Variants in PKIB observed in about 807,000 individuals in gnomAD.
PKIB encodes cAMP-dependent protein kinase inhibitor beta, also known as PKI-beta.
Under a neutral mutation model 4.5 loss-of-function variants are expected in PKIB, and 2 were observed. That is an observed-to-expected ratio of 0.44 (90% CI 0.18 to 1.39). PKIB has a LOEUF of 1.39. PKIB is among the 40% of genes most tolerant of loss of function. PKIB has a pLI of 0.27. For synonymous variants in PKIB, 38 were observed against 36.0 expected (o/e 1.06, Z -0.20); for missense variants, 94 against 92.6 (o/e 1.02, Z -0.06).
chr6:122,496,634 G>C (rs958534648), intron 2 of PKIB, among the ~76,000 whole-genome samples: 1 of 152,114 alleles, frequency 6.6e-6, no homozygotes, highest in Non-Finnish European at 1.5e-5. Context: ...GAGGATTTTA[G>C]AGCTTGAAAA....
intron 1 of PKIB, among the ~76,000 whole-genome samples, chr6:122,621,028 T>C (rs887453011): frequency 6.6e-6 from 1 of 152,042 alleles, no homozygotes; most frequent in Non-Finnish European, 1.5e-5. Flanking sequence ...ATAAAGGGAG[T>C]ACAAGCAATC....
chr6:122,589,740 A>G (rs1773962428), intron 3 of PKIB, among the ~76,000 whole-genome samples: 1 of 152,164 alleles, frequency 6.6e-6, no homozygotes, highest in Admixed American at 6.6e-5. Context: ...AACATAAATA[A>G]GTTATTGATA....
rs537644352 is a variant in PKIB at position 122,643,602 on chromosome 6, C to T, written c.-76+10235C>T. The T allele has an allele frequency of 1.2e-4, 18 of 152,218 alleles. No homozygotes were observed. The East Asian group carries it at 3.5e-3, about 29-fold the overall frequency. The allele number at this position is 152,218 out of a possible 1,614,324, so 9.4% of individuals were successfully genotyped here. A position where few individuals can be genotyped will look rare whatever the true frequency, so the allele number is the denominator to read the frequency against. ...TTGAATTCTCTACAAATACGTTCAG[C>T]CTGTAGTATTCTAATTTACAGATGC... is the stretch of plus-strand genomic sequence containing the variant. On this transcript the variant is annotated intron_variant, in intron 2 of 4. Transcript: ENST00000368452.
chr6:122,720,894 G>C (rs1428820521), intron 4 of PKIB, among the ~76,000 whole-genome samples: 1 of 152,084 alleles, frequency 6.6e-6, no homozygotes, highest in African/African-American at 2.4e-5. Flanking sequence ...TAGAAACGGG[G>C]TTTCACCACG....
At chr6:122,669,487 T>G (rs1777364663) in intron 2 of PKIB, among the ~76,000 whole-genome samples, 1 of 152,182 alleles carries the variant, frequency 6.6e-6, no homozygotes, top group Non-Finnish European at 1.5e-5. Flanking sequence ...CTTTGCTGAT[T>G]ACTGCTGCTC....
At chr6:122,531,710 G>A (rs565006312) in intron 2 of PKIB, among the ~76,000 whole-genome samples, 1 of 152,240 alleles carries the variant, frequency 6.6e-6, no homozygotes, top group South Asian at 2.1e-4. Context: ...TGAGCTAGAT[G>A]CACCTTCTAT....
At chr6:122,517,557 G>A (rs545534311) in intron 2 of PKIB, among the ~76,000 whole-genome samples, 82 of 152,268 alleles carry the variant, frequency 5.4e-4, no homozygotes, top group African/African-American at 1.9e-3. Flanking sequence ...AGAGACATCA[G>A]TCTAAAGTGT....
chr6:122,533,707 A>C (rs1241508702), intron 2 of PKIB, among the ~76,000 whole-genome samples: 1 of 152,192 alleles, frequency 6.6e-6, no homozygotes, highest in Non-Finnish European at 1.5e-5. Context: ...AACAAGAACA[A>C]TTTACAACTC....
chr6:122,552,008 G>T (rs73547267), intron 2 of PKIB, among the ~76,000 whole-genome samples: 3 of 150,026 alleles, frequency 2.0e-5, no homozygotes, highest in East Asian at 3.9e-4. Context: ...GTGCATTCTC[G>T]ATGTCATGTT....
intron 2 of PKIB, among the ~76,000 whole-genome samples, chr6:122,572,605 G>C (rs1305544039): frequency 8.6e-6 from 1 of 116,500 alleles, no homozygotes. Context: ...AAATGTAGCA[G>C]AAGGAAAAAA....
intron 1 of PKIB, among the ~76,000 whole-genome samples, chr6:122,632,021 G>A (rs1775723969): frequency 6.6e-6 from 1 of 152,150 alleles, no homozygotes; most frequent in South Asian, 2.1e-4. Context: ...GGATTCGAAG[G>A]GGAATGACTC....
At position 122,666,863 on chromosome 6, in the gene PKIB, C is replaced by T. The variant is rs993436125; in HGVS notation, c.-75-8215C>T. ...TACTACTAGTATTAAGTCCATATGG[C>T]GGACAGACCTGGATTCATGACTTGA... On this transcript the variant is annotated intron_variant, in intron 2 of 4. Coordinates refer to ENST00000368452, the MANE Select transcript of PKIB (RefSeq NM_181795.3). 3.3e-5 allele frequency among the ~76,000 whole-genome samples: 5 copies of T among 152,126 alleles called. No homozygotes were observed. In the East Asian group the frequency reaches 5.8e-4, roughly 18 times the overall value.
intron 3 of PKIB, among the ~76,000 whole-genome samples, chr6:122,689,095 C>T (rs951015479): frequency 1.3e-5 from 2 of 152,006 alleles, no homozygotes; most frequent in Non-Finnish European, 2.9e-5. Flanking sequence ...CTTTCAATTT[C>T]TCTGGTATTG....
chr6:122,493,667 T>C (rs1775998723), intron 2 of PKIB, among the ~76,000 whole-genome samples: 1 of 152,242 alleles, frequency 6.6e-6, no homozygotes, highest in Admixed American at 6.5e-5. Context: ...TTTTCTTCCA[T>C]GACCCTGTGA....
chr6:122,652,292 TTGTGTG>T (rs66695664), intron 2 of PKIB, among the ~76,000 whole-genome samples: 25,361 of 141,704 alleles, frequency 0.18, 2,301 homozygotes, highest in East Asian at 0.25. Flanking sequence ...ATATGTTGGT[TTGTGTG>T]TGTGTGTGTG....
At chr6:122,499,561 C>A (rs1776164622) in intron 2 of PKIB, among the ~76,000 whole-genome samples, 1 of 152,110 alleles carries the variant, frequency 6.6e-6, no homozygotes, top group Admixed American at 6.6e-5. Context: ...AAACATATAT[C>A]AAAATATTGA....
chr6:122,709,809 G>A (rs1779201640), intron 3 of PKIB, among the ~76,000 whole-genome samples: 1 of 152,108 alleles, frequency 6.6e-6, no homozygotes. Flanking sequence ...GTGTCCATGT[G>A]TATAACCATC....
intron 3 of PKIB, among the ~76,000 whole-genome samples, chr6:122,602,799 CA>C (rs1325527798): frequency 6.6e-6 from 1 of 150,966 alleles, no homozygotes; most frequent in Non-Finnish European, 1.5e-5. Context: ...ACAAAAAAAA[CA>C]AAAAAATTAG....
At chr6:122,645,531 A>G (rs1041189301) in intron 2 of PKIB, among the ~76,000 whole-genome samples, 1 of 152,218 alleles carries the variant, frequency 6.6e-6, no homozygotes, top group African/African-American at 2.4e-5. Context: ...GGTTGTGGTG[A>G]CACAGAGTCT....
Sources: gnomAD v4.1 joint callset for allele counts (sites outside exome capture counted in the v4.1 genomes callset) on GRCh38, gnomAD v4.1.1 for gene constraint, MANE v1.5 for transcripts, NCBI Gene and HGNC (gene_info 2026-07-23, HGNC 2026-07-21) for gene names.